Variants in TSPAN2 observed in about 807,000 individuals in gnomAD.
TSPAN2 encodes the protein tetraspanin 2.
TSPAN2 carries 24 observed loss-of-function variants against 33.3 expected under a neutral mutation model. The observed-to-expected ratio is 0.72, with a 90% CI of 0.52 to 1.01. TSPAN2 has a LOEUF of 1.01. Among genes scored for constraint, TSPAN2 ranks in the 50% least tolerant of loss-of-function variants. The pLI, the probability that TSPAN2 is intolerant of heterozygous loss-of-function variation, is 0.00. For synonymous variants in TSPAN2, 114 were observed against 104.5 expected (o/e 1.09, Z -0.56); for missense variants, 278 against 281.3 (o/e 0.99, Z 0.08).
chr1:115,062,275 G>C (rs775740129), intron 2 of TSPAN2, 43 bp from the exon 3 acceptor site: 1 of 1,490,966 alleles, frequency 6.7e-7, no homozygotes, highest in South Asian at 1.2e-5. Context: ...AGCCAACCGA[G>C]TGCCTCCACG....
At chr1:115,088,815 GC>G (rs144487773) in intron 1 of TSPAN2, among the ~76,000 whole-genome samples, 2,659 of 151,824 alleles carry the variant, frequency 0.018, 77 homozygotes, top group African/African-American at 0.06. Flanking sequence ...AAAGGACGAC[GC>G]CCCCCCACCA....
intron 1 of TSPAN2, among the ~76,000 whole-genome samples, chr1:115,088,612 T>C (rs5016051): frequency 0.97 from 146,953 of 152,240 alleles, 70,936 homozygotes; most frequent in East Asian, 1. Flanking sequence ...CTGGGAACGC[T>C]GTCAGTTCAA....
intron 1 of TSPAN2, among the ~76,000 whole-genome samples, chr1:115,076,845 G>T (rs1027633717): frequency 6.6e-6 from 1 of 152,112 alleles, no homozygotes; most frequent in African/African-American, 2.4e-5. Context: ...CAACCCTGCA[G>T]GTGGGAAGTC....
chr1:115,067,710 C>G (rs991710837), intron 2 of TSPAN2, among the ~76,000 whole-genome samples: 3 of 152,206 alleles, frequency 2.0e-5, no homozygotes, highest in Non-Finnish European at 2.9e-5. Context: ...CAGCTGCAGT[C>G]AGGCTGCGAT....
At chr1:115,084,530 C>T (rs1648756524) in intron 1 of TSPAN2, among the ~76,000 whole-genome samples, 1 of 152,174 alleles carries the variant, frequency 6.6e-6, no homozygotes, top group African/African-American at 2.4e-5. Context: ...ATCTGTTCCT[C>T]CTAGCAATTC....
At chr1:115,068,824 C>T (rs1052918506) in intron 2 of TSPAN2, among the ~76,000 whole-genome samples, 4 of 152,134 alleles carry the variant, frequency 2.6e-5, no homozygotes, top group African/African-American at 7.2e-5. Flanking sequence ...TATTATAAGA[C>T]ATACTTGAAA....
intron 1 of TSPAN2, among the ~76,000 whole-genome samples, chr1:115,079,073 A>G (rs1219530433): frequency 6.6e-6 from 1 of 151,730 alleles, no homozygotes; most frequent in African/African-American, 2.4e-5. Context: ...ACACAATGTA[A>G]ATCTACACAA....
intron 3 of TSPAN2, among the ~76,000 whole-genome samples, chr1:115,060,769 C>T (rs1352890841): frequency 1.3e-5 from 2 of 152,040 alleles, no homozygotes; most frequent in African/African-American, 4.8e-5. Context: ...TATCACGGAC[C>T]TTGGATTGGA....
chr1:115,057,337 C>T (rs1045516043), intron 6 of TSPAN2, among the ~76,000 whole-genome samples, 200 bp downstream of exon 6: 3 of 152,230 alleles, frequency 2.0e-5, no homozygotes, highest in African/African-American at 7.2e-5. Flanking sequence ...CCCTCTTTAA[C>T]ATCTCTTGCT....
chr1:115,085,767 C>T (rs1648809028), intron 1 of TSPAN2, among the ~76,000 whole-genome samples: 1 of 152,072 alleles, frequency 6.6e-6, no homozygotes. Context: ...CACACTTTCC[C>T]TTAAGTCATG....
intron 4 of TSPAN2, among the ~76,000 whole-genome samples, chr1:115,060,262 T>C (rs948581691): frequency 1.3e-5 from 2 of 152,106 alleles, no homozygotes; most frequent in African/African-American, 4.8e-5. Context: ...AGATGAACTA[T>C]CTCCCCAGAA....
intron 2 of TSPAN2, among the ~76,000 whole-genome samples, chr1:115,070,701 A>G (rs1412068017): frequency 6.6e-6 from 1 of 151,776 alleles, no homozygotes; most frequent in African/African-American, 2.4e-5. Context: ...TTCTCCATTG[A>G]TTACAGCCTG....
Position 115,060,545 on chromosome 1 carries a change from A to G in TSPAN2, c.271-7T>C. The G allele has an allele frequency of 1.2e-6, 2 of 1,608,594 alleles. No individual in the cohort carries two copies. The highest frequency in any genetic ancestry group is 1.7e-6 in the Non-Finnish European group (2 of 1,176,498). Reference sequence around the variant, plus strand: ...CCAGGAGGCAGGTAAAAAACTGTAGAGGAGAGAAAATACTAATTTCATTAA... The same window carrying G: ...CCAGGAGGCAGGTAAAAAACTGTAGGGGAGAGAAAATACTAATTTCATTAA... On this transcript the variant is annotated splice_region_variant and splice_polypyrimidine_tract_variant and intron_variant, in intron 3 of 7. Transcript: ENST00000369516.
intron 2 of TSPAN2, among the ~76,000 whole-genome samples, chr1:115,068,004 G>A (rs1181144023): frequency 6.6e-6 from 1 of 152,170 alleles, no homozygotes; most frequent in Non-Finnish European, 1.5e-5. Context: ...AGACTAGCGT[G>A]GACAAGGTCT....
chr1:115,059,085 C>A, intron 4 of TSPAN2, 104 bp from the exon 5 acceptor site: 1 of 873,718 alleles, frequency 1.1e-6, no homozygotes, highest in Non-Finnish European at 1.9e-6. Context: ...AAAAACACTG[C>A]CTTTCTCATA....
intron 1 of TSPAN2, among the ~76,000 whole-genome samples, chr1:115,074,585 A>G (rs545007574): frequency 6.6e-6 from 1 of 152,340 alleles, no homozygotes; most frequent in African/African-American, 2.4e-5. Context: ...CATGTCATGG[A>G]AACATATTGA....
chr1:115,065,148 T>C lies in TSPAN2; in HGVS notation c.173-2916A>G, dbSNP rs2748676. Reference sequence around the variant, plus strand: ...GACTCAGCCCAGCTCCAAATGAACATTGCTTGCTGAAGCTGAAGGGAAAAG... The same window carrying C: ...GACTCAGCCCAGCTCCAAATGAACACTGCTTGCTGAAGCTGAAGGGAAAAG... On this transcript the variant is annotated intron_variant, in intron 2 of 7. Transcript: ENST00000369516. Among the ~76,000 whole-genome samples, 1,367 of 152,240 alleles carry C rather than the reference T, an allele frequency of 9.0e-3. 25 individuals carry two copies. Among genetic ancestry groups the C allele is most frequent in the African/African-American group, 0.031 (1,299 of 41,546 alleles).
At chr1:115,060,861 C>A (rs1647689907) in intron 3 of TSPAN2, among the ~76,000 whole-genome samples, 1 of 152,152 alleles carries the variant, frequency 6.6e-6, no homozygotes, top group Admixed American at 6.5e-5. Flanking sequence ...ATCCCACCAC[C>A]TAGAACACCA....
Position 115,048,615 on chromosome 1 carries a change from T to C in TSPAN2, c.*1875A>G, listed in dbSNP as rs2101016622. On this transcript the variant is annotated 3_prime_UTR_variant, in exon 8 of 8. Coordinates refer to ENST00000369516, the MANE Select transcript of TSPAN2 (RefSeq NM_005725.6). ...TTGTGGAATCAGAGATGATTCTGAG[T>C]TGGAAAGAACCCGAGTATGCACTTG... 6.6e-6 allele frequency: 1 copy of C among 152,198 alleles called. No homozygotes were observed. Among genetic ancestry groups the C allele is most frequent in the Non-Finnish European group, 1.5e-5 (1 of 67,948 alleles). 9.4% of individuals were successfully genotyped at this position (152,198 alleles called of 1,614,324 possible). A position where few individuals can be genotyped will look rare whatever the true frequency, so the allele number is the denominator to read the frequency against.
Sources: gnomAD v4.1 joint callset for allele counts (sites outside exome capture counted in the v4.1 genomes callset) on GRCh38, gnomAD v4.1.1 for gene constraint, MANE v1.5 for transcripts, NCBI Gene and HGNC (gene_info 2026-07-23, HGNC 2026-07-21) for gene names.